Variants in CYP24A1 observed in about 807,000 individuals in gnomAD.
CYP24A1 encodes the protein 1,25-dihydroxyvitamin D(3) 24-hydroxylase, mitochondrial.
A neutral mutation model predicts 62.4 loss-of-function variants in CYP24A1; 68 were observed. The ratio of observed to expected loss-of-function variants is 1.09; its 90% confidence interval spans 0.90 to 1.33. The LOEUF is 1.33. CYP24A1 is among the 40% of genes most tolerant of loss of function. CYP24A1 has a pLI of 0.00. For missense variants in CYP24A1, 787 were observed against 653.0 expected (o/e 1.21, Z -2.24); for synonymous variants, 267 against 253.0 (o/e 1.06, Z -0.52).
At chr20:54,150,206 G>A (rs1053696216), downstream of CYP24A1, among the ~76,000 whole-genome samples, 2 of 152,108 alleles carry the variant, frequency 1.3e-5, no homozygotes, top group African/African-American at 2.4e-5. Context: ...AAAGTTTACC[G>A]TAACTCTAAG....
intron 9 of CYP24A1, 34 bp from the exon 10 acceptor site, chr20:54,157,619 T>C: frequency 1.6e-6 from 2 of 1,281,520 alleles, no homozygotes; most frequent in East Asian, 4.6e-5. Flanking sequence ...GTATTTAAAA[T>C]AACCAGAAGA....
At chr20:54,155,640 G>A (rs2092624947) in intron 11 of CYP24A1, among the ~76,000 whole-genome samples, 1 of 151,474 alleles carries the variant, frequency 6.6e-6, no homozygotes, top group Admixed American at 6.6e-5. Flanking sequence ...GGGAGGCTGA[G>A]GCAGAAGAAT....
intron 3 of CYP24A1, among the ~76,000 whole-genome samples, chr20:54,171,019 A>C (rs1012498385): frequency 3.9e-5 from 6 of 152,240 alleles, no homozygotes; most frequent in Non-Finnish European, 8.8e-5. Flanking sequence ...CAGCTACACT[A>C]AATGACCGAT....
At chr20:54,149,384 C>T (rs568246773), downstream of CYP24A1, among the ~76,000 whole-genome samples, 1 of 152,284 alleles carries the variant, frequency 6.6e-6, no homozygotes, top group East Asian at 1.9e-4. Flanking sequence ...CTGTCTCCCT[C>T]AAGGCTGACT....
At chr20:54,162,945 CCTT>C (rs1247012024) in intron 6 of CYP24A1, 83 bp from the exon 7 acceptor site, 5 of 808,420 alleles carry the variant, frequency 6.2e-6, no homozygotes, top group Admixed American at 1.7e-5. Flanking sequence ...AGTCCAAACT[CCTT>C]CTTGCAATAT....
chr20:54,157,528 A>G lies in CYP24A1; in HGVS notation c.1294T>C (p.Ser432Pro). ...LGSSEDNFED[S>P]SQFRPERWLQ... ...CAACGTTCAGGTCTAAACTGACTTG[A>G]ATCTTCAAAATTGTCTTCACTGGAT... The change falls in exon 10 of 12, where the codon TCA becomes CCA. Residue 432 changes from serine (S) to proline (P), a missense_variant. By Grantham distance (74) the Ser-to-Pro change is moderately conservative. Transcript: ENST00000216862. 1 of 1,605,764 alleles carries G rather than the reference A, an allele frequency of 6.2e-7. No individual in the cohort carries two copies. The highest frequency in any genetic ancestry group is 8.5e-7 in the Non-Finnish European group (1 of 1,172,342).
At chr20:54,157,034 G>A (rs2092630572) in intron 11 of CYP24A1, 135 bp downstream of exon 11, 1 of 643,586 alleles carries the variant, frequency 1.6e-6, no homozygotes, top group African/African-American at 1.8e-5. Context: ...GAGAGTTTAG[G>A]GAACTGCTCA....
At position 54,162,768 on chromosome 20, in the gene CYP24A1, C is replaced by A; in HGVS notation, c.939G>T (p.Lys313Asn). 6.3e-7 allele frequency: 1 copy of A among 1,590,026 alleles called. No homozygotes were observed. The highest frequency in any genetic ancestry group is 1.1e-5 in the South Asian group (1 of 90,580). ...CTGTGACAGCAGCATACAATTCTTT[C>A]TTTGAAAGCCGATTCTGGTGATAAA... ...CDIYHQNRLS[K>N]KELYAAVTEL... The change falls in exon 7 of 12, where the codon AAG becomes AAT. Residue 313 changes from lysine (K) to asparagine (N), a missense_variant. Coordinates refer to ENST00000216862, the MANE Select transcript of CYP24A1 (RefSeq NM_000782.5).
chr20:54,144,704 G>A, the CYP24A1 span, among the ~76,000 whole-genome samples: 1 of 149,686 alleles, frequency 6.7e-6, no homozygotes, highest in Non-Finnish European at 1.5e-5. Flanking sequence ...ATATTAATAA[G>A]AAGCCCTCCT....
Position 54,159,402 on chromosome 20 carries a change from T to G in CYP24A1, c.991-279A>C, listed in dbSNP as rs567604729. ...CTTTAGAACATTTAAATACAGTTTTTTTTTTTTTTTGAGATGGAGTCTCAC... is the reference window on the plus strand; with the variant it reads ...CTTTAGAACATTTAAATACAGTTTTGTTTTTTTTTTGAGATGGAGTCTCAC... On this transcript the variant is annotated intron_variant, in intron 7 of 11. Coordinates refer to ENST00000216862, the MANE Select transcript of CYP24A1 (RefSeq NM_000782.5). Among the ~76,000 whole-genome samples the G allele has an allele frequency of 4.0e-4, 60 of 151,506 alleles. 1 individual carries two copies. In the East Asian group the frequency reaches 9.3e-3, roughly 23 times the overall value.
At position 54,173,251 on chromosome 20, in the gene CYP24A1, G is replaced by C. The variant is rs1231920540; in HGVS notation, c.258+71C>G. 1 of 1,532,820 alleles carries C rather than the reference G, an allele frequency of 6.5e-7. No homozygotes were observed. The highest frequency in any genetic ancestry group is 9.0e-7 in the Non-Finnish European group (1 of 1,112,200). 95.0% of individuals were successfully genotyped at this position (1,532,820 alleles called of 1,614,324 possible). On this transcript the variant is annotated intron_variant, in intron 1 of 11. Coordinates refer to ENST00000216862, the MANE Select transcript of CYP24A1 (RefSeq NM_000782.5). The surrounding 1 kb of genome is among the most constrained non-coding windows in gnomAD (Gnocchi z 7.2). ...CCATGCGCCCGAGGCGCGCATGTCG[G>C]GGAGGGTTTGGAGCGCCACTGGGAG...
At chr20:54,165,245 G>C (rs1323493225) in intron 5 of CYP24A1, among the ~76,000 whole-genome samples, 1 of 152,230 alleles carries the variant, frequency 6.6e-6, no homozygotes, top group African/African-American at 2.4e-5. Context: ...GGCTGCATTA[G>C]ATTCTTACAG....
chr20:54,160,200 C>T (rs751090), intron 7 of CYP24A1, among the ~76,000 whole-genome samples: 32,759 of 152,190 alleles, frequency 0.22, 4,039 homozygotes, highest in African/African-American at 0.32. Flanking sequence ...AAACATTGAG[C>T]TGAGTACTCC....
chr20:54,157,507 G>A lies in CYP24A1; in HGVS notation c.1315C>T (p.Arg439Cys), dbSNP rs374292194. 8.5e-5 allele frequency: 136 copies of A among 1,593,528 alleles called. No individual in the cohort carries two copies. Among genetic ancestry groups the A allele is most frequent in the Non-Finnish European group, 1.1e-4 (130 of 1,161,382 alleles). ...FEDSSQFRPE[R>C]WLQEKEKINP... is the part of the protein sequence containing the mutation. The stretch of plus-strand genomic sequence containing the variant: ...ATTTTTTCCTTCTCCTGAAGCCAAC[G>A]TTCAGGTCTAAACTGACTTGAATCT... The change falls in exon 10 of 12, where the codon CGT becomes TGT. Residue 439 changes from arginine to cysteine, a missense_variant. Physicochemically the swap from Arg to Cys is radical, Grantham distance 180. Coordinates refer to ENST00000216862, the MANE Select transcript of CYP24A1 (RefSeq NM_000782.5).
At position 54,159,041 on chromosome 20, in the gene CYP24A1, C is replaced by T. The variant is rs781707255; in HGVS notation, c.1073G>A (p.Ser358Asn). The T allele has an allele frequency of 6.2e-7, 1 of 1,614,098 alleles. No homozygotes were observed. The highest frequency in any genetic ancestry group is 1.1e-5 in the South Asian group (1 of 91,076). ...TGGCACCTGATTCTCAGGTAATACA[C>T]TTTGAATTTCCTTAAGAAGCTTTTG... is the stretch of plus-strand genomic sequence containing the variant. ...VQQKLLKEIQ[S>N]VLPENQVPRA... The change falls in exon 8 of 12, where the codon AGT becomes AAT. Residue 358 changes from serine (S) to asparagine (N), a missense_variant. Physicochemically the swap from Ser to Asn is conservative, Grantham distance 46 (BLOSUM62 1). Coordinates refer to ENST00000216862, the MANE Select transcript of CYP24A1 (RefSeq NM_000782.5).
chr20:54,162,645 C>T, intron 7 of CYP24A1, 72 bp downstream of exon 7: 2 of 818,328 alleles, frequency 2.4e-6, no homozygotes, highest in Middle Eastern at 2.3e-4. Flanking sequence ...AGATGAATTA[C>T]TATTTAAAAT....
At chr20:54,151,766 C>T (rs955774675), downstream of CYP24A1, among the ~76,000 whole-genome samples, 3 of 151,962 alleles carry the variant, frequency 2.0e-5, no homozygotes, top group Admixed American at 1.3e-4. Context: ...CAGTACATGA[C>T]GTGCATCCCA....
intron 7 of CYP24A1, among the ~76,000 whole-genome samples, chr20:54,159,842 G>A (rs2146471744): frequency 6.6e-6 from 1 of 152,216 alleles, no homozygotes; most frequent in South Asian, 2.1e-4. Context: ...TGGAAAACTG[G>A]GTAACGGATG....
chr20:54,157,312 A>C, intron 10 of CYP24A1, 23 bp from the exon 11 acceptor site: 2 of 1,506,886 alleles, frequency 1.3e-6, no homozygotes, highest in Non-Finnish European at 1.8e-6. Context: ...CGCACACAAA[A>C]ACAGAATTAC....
Sources: gnomAD v4.1 joint callset for allele counts (sites outside exome capture counted in the v4.1 genomes callset) on GRCh38, gnomAD v4.1.1 for gene constraint, Gnocchi (gnomAD v3.1) non-coding constraint, MANE v1.5 for transcripts, NCBI Gene and HGNC (gene_info 2026-07-23, HGNC 2026-07-21) for gene names.